Variants in RAD51B observed in about 807,000 individuals in gnomAD.
RAD51B encodes the protein RAD51 paralog B, also known as DNA repair protein RAD51 homolog 2.
RAD51B carries 38 observed loss-of-function variants against 42.2 expected under a neutral mutation model. That is an observed-to-expected ratio of 0.90 (90% CI 0.70 to 1.18). The LOEUF (loss-of-function observed/expected upper bound fraction) is 1.18, where lower values mean the gene tolerates loss of function less well. Ranked by LOEUF, RAD51B falls within the 50% of genes most tolerant of loss-of-function variation. The pLI is 0.00. For synonymous variants in RAD51B, 154 were observed against 145.2 expected, an observed-to-expected ratio of 1.06 and a Z score of -0.43; for missense variants, 373 against 400.7, an observed-to-expected ratio of 0.93 and a Z score of 0.59.
At chr14:68,339,223 T>C (rs1225067018) in intron 8 of RAD51B, 5 of 1,151,686 alleles carry the variant, frequency 4.3e-6, no homozygotes, top group East Asian at 2.4e-5. Context: ...GTCTCTGGCC[T>C]GTACTTGTGG....
chr14:68,226,144 AG>A (rs1454282667), intron 7 of RAD51B, among the ~76,000 whole-genome samples: 1 of 152,228 alleles, frequency 6.6e-6, no homozygotes, highest in Non-Finnish European at 1.5e-5. Context: ...CTGAGAGGCA[AG>A]GGAACTTGAT....
intron 7 of RAD51B, among the ~76,000 whole-genome samples, chr14:68,284,949 C>T (rs2081385311): frequency 6.6e-6 from 1 of 152,158 alleles, no homozygotes; most frequent in African/African-American, 2.4e-5. Flanking sequence ...GGAGCGTGGC[C>T]TTTCTGGACC....
intron 7 of RAD51B, among the ~76,000 whole-genome samples, chr14:68,102,549 G>A (rs28896840): frequency 0.1 from 15,706 of 152,012 alleles, 2,464 homozygotes; most frequent in African/African-American, 0.34. Context: ...ACCTCTACCT[G>A]GACTTCATTG....
intron 7 of RAD51B, among the ~76,000 whole-genome samples, chr14:67,907,008 C>T (rs1668690510): frequency 6.6e-6 from 1 of 151,974 alleles, no homozygotes; most frequent in African/African-American, 2.4e-5. Flanking sequence ...AGGGTTTCTC[C>T]ATGTTGGTCA....
chr14:68,635,652 C>T lies in RAD51B; in HGVS notation c.1037-15129C>T, dbSNP rs1248592789. Among the ~76,000 whole-genome samples the T allele has an allele frequency of 2.0e-5, 3 of 152,134 alleles. No individual in the cohort carries two copies. In the South Asian group the frequency reaches 6.2e-4, roughly 32 times the overall value. ...TAAAAATTATTTGTGAGGTATTTCA[C>T]CTTCACTTCTTTGTACTTAGTCTTC... On this transcript the variant is annotated intron_variant, in intron 10 of 11. Transcript: ENST00000488612.
chr14:68,648,210 ATG>A (rs1892624169), intron 10 of RAD51B, among the ~76,000 whole-genome samples: 8 of 145,566 alleles, frequency 5.5e-5, no homozygotes, highest in Admixed American at 4.8e-4. Context: ...TCGAACCCGC[ATG>A]TGTGTGAGTA....
intron 10 of RAD51B, among the ~76,000 whole-genome samples, chr14:68,507,194 A>G (rs1366923419): frequency 1.3e-5 from 2 of 152,098 alleles, no homozygotes; most frequent in African/African-American, 2.4e-5. Flanking sequence ...GAGAAAGTAG[A>G]GCTCTAATTT....
At chr14:68,394,938 G>A (rs991084605) in intron 8 of RAD51B, among the ~76,000 whole-genome samples, 15 of 151,974 alleles carry the variant, frequency 9.9e-5, no homozygotes, top group African/African-American at 3.6e-4. Context: ...GTGAGCCTCA[G>A]CGCCAGTGCC....
At chr14:68,557,570 A>G (rs369580319) in intron 10 of RAD51B, among the ~76,000 whole-genome samples, 1 of 152,242 alleles carries the variant, frequency 6.6e-6, no homozygotes, top group Non-Finnish European at 1.5e-5. Context: ...TGCTGTGCAC[A>G]TGGAGCCCCT....
rs1293729021 is a variant in RAD51B at position 68,442,646 on chromosome 14, G to A, written c.958-25526G>A. On this transcript the variant is annotated intron_variant, in intron 9 of 10. Transcript: ENST00000471583. ...AGTAGACATGGGGTTTCACCATGTT[G>A]GCCAGCATGGTCTCAATCTCTTGAG... Among the ~76,000 whole-genome samples, 3 of 151,540 alleles carry A rather than the reference G, an allele frequency of 2.0e-5. No homozygotes were observed. The South Asian group carries it at 6.3e-4, about 32-fold the overall frequency.
Position 68,110,876 on chromosome 14 carries a change from A to G in RAD51B, c.757-181008A>G, listed in dbSNP as rs35701137. Among the ~76,000 whole-genome samples, 992 of 152,108 alleles carry G rather than the reference A, an allele frequency of 6.5e-3. 6 individuals are homozygous for G. The highest frequency in any genetic ancestry group is 0.013 in the East Asian group (68 of 5,182). ...AAAATCTTCCCTGATATTCTCCTCT[A>G]TATGCATTTAGAATCATACCTGTTT... On this transcript the variant is annotated intron_variant, in intron 7 of 10. Transcript: ENST00000471583.
At chr14:68,186,343 AAAAC>A (rs2079157390) in intron 7 of RAD51B, among the ~76,000 whole-genome samples, 1 of 152,364 alleles carries the variant, frequency 6.6e-6, no homozygotes, top group African/African-American at 2.4e-5. Flanking sequence ...AATTGGAACA[AAAAC>A]AAAAATTGAC....
intron 7 of RAD51B, among the ~76,000 whole-genome samples, chr14:67,919,727 T>G (rs925701426): frequency 6.6e-6 from 1 of 152,232 alleles, no homozygotes; most frequent in Non-Finnish European, 1.5e-5. Context: ...CTTGTTAATC[T>G]GCCTTCTGTT....
chr14:68,187,883 C>T (rs545608051), intron 7 of RAD51B, among the ~76,000 whole-genome samples: 56 of 152,198 alleles, frequency 3.7e-4, no homozygotes, highest in African/African-American at 9.9e-4. Flanking sequence ...GGCGCAATCT[C>T]GGCTCACTGC....
intron 8 of RAD51B, among the ~76,000 whole-genome samples, chr14:68,406,830 G>GT (rs1475752059): frequency 6.6e-6 from 1 of 151,898 alleles, no homozygotes; most frequent in Non-Finnish European, 1.5e-5. Flanking sequence ...TCTTATTTCT[G>GT]TTTTTTAGAT....
intron 5 of RAD51B, among the ~76,000 whole-genome samples, chr14:67,876,661 T>A (rs2042737102): frequency 6.6e-6 from 1 of 152,224 alleles, no homozygotes; most frequent in Non-Finnish European, 1.5e-5. Context: ...TCTAACCATT[T>A]TCTGAGGCAT....
chr14:68,220,765 A>G (rs1039110010), intron 7 of RAD51B, among the ~76,000 whole-genome samples: 2 of 152,202 alleles, frequency 1.3e-5, no homozygotes, highest in Non-Finnish European at 2.9e-5. Flanking sequence ...CAAAGTTTCA[A>G]GACACAAAAT....
At chr14:68,249,224 A>G (rs1333563764) in intron 7 of RAD51B, among the ~76,000 whole-genome samples, 1 of 152,210 alleles carries the variant, frequency 6.6e-6, no homozygotes, top group Non-Finnish European at 1.5e-5. Flanking sequence ...AGGACACACT[A>G]AGCTAAATAA....
chr14:67,831,598 G>T (rs754548199), intron 3 of RAD51B, among the ~76,000 whole-genome samples: 1 of 152,002 alleles, frequency 6.6e-6, no homozygotes, highest in Non-Finnish European at 1.5e-5. Flanking sequence ...GTGCAGTGGC[G>T]TGATCTTGGC....
Sources: gnomAD v4.1 joint callset for allele counts (sites outside exome capture counted in the v4.1 genomes callset) on GRCh38, gnomAD v4.1.1 for gene constraint, MANE v1.5 for transcripts, NCBI Gene and HGNC (gene_info 2026-07-23, HGNC 2026-07-21) for gene names.